The following SPON1 variants were observed in gnomAD, a reference collection of about 807,000 sequenced individuals.
The protein encoded by SPON1 is spondin 1, also known as spondin-1.
A neutral mutation model predicts 111.7 loss-of-function variants in SPON1; 52 were observed. The observed-to-expected ratio is 0.47, with a 90% CI of 0.37 to 0.59. The LOEUF (loss-of-function observed/expected upper bound fraction) is 0.59. Ranked by LOEUF, SPON1 falls within the 20% of genes least tolerant of loss-of-function variation. SPON1 has a pLI of 0.00. For synonymous variants in SPON1, 410 were observed against 395.8 expected, an observed-to-expected ratio of 1.04 and a Z score of -0.43; for missense variants, 957 against 1,068.5, an observed-to-expected ratio of 0.90 and a Z score of 1.46.
Position 14,075,847 on chromosome 11 carries a change from A to G in SPON1, c.553+429A>G, listed in dbSNP as rs541471136. Among the ~76,000 whole-genome samples the G allele has an allele frequency of 7.9e-5, 12 of 152,296 alleles. No homozygotes were observed. In the East Asian group the frequency reaches 1.4e-3, roughly 17 times the overall value. On this transcript the variant is annotated intron_variant, in intron 4 of 15. Coordinates refer to ENST00000576479, the MANE Select transcript of SPON1 (RefSeq NM_006108.4). ...AGGATTTTCTCCAGAGAAGCCCAGC[A>G]GGGGATGGGGATGCCAAGGGGGTGT... is the stretch of plus-strand genomic sequence containing the variant.
intron 7 of SPON1, among the ~76,000 whole-genome samples, chr11:14,252,701 C>T (rs1291587982): frequency 1.3e-5 from 2 of 151,990 alleles, no homozygotes; most frequent in Admixed American, 1.3e-4. Flanking sequence ...GCAAGACCTG[C>T]GCAGAGTGTG....
At position 14,230,154 on chromosome 11, in the gene SPON1, C is replaced by T. The variant is rs191733891; in HGVS notation, c.826-13178C>T. The stretch of plus-strand genomic sequence containing the variant: ...AGCTGTTACTTTGCATTTAAATAGC[C>T]GCATTTAAGAAAGCAGCATTCCCAG... On this transcript the variant is annotated intron_variant, in intron 6 of 15. Transcript: ENST00000576479. 2.2e-4 allele frequency among the ~76,000 whole-genome samples: 34 copies of T among 152,222 alleles called. 1 individual carries two copies. The highest frequency in any genetic ancestry group is 6.8e-3 in the Middle Eastern group (2 of 292).
chr11:14,068,520 G>A (rs913906779), intron 3 of SPON1, among the ~76,000 whole-genome samples: 9 of 152,166 alleles, frequency 5.9e-5, no homozygotes, highest in Non-Finnish European at 4.4e-5. Flanking sequence ...GATTCAGGTC[G>A]AGATGTCTGC....
intron 6 of SPON1, among the ~76,000 whole-genome samples, chr11:14,190,481 T>A (rs1305626621): frequency 6.6e-6 from 1 of 151,536 alleles, no homozygotes; most frequent in East Asian, 1.9e-4. Flanking sequence ...CCTTCTTCCT[T>A]CCTTCCTTCC....
intron 6 of SPON1, among the ~76,000 whole-genome samples, chr11:14,240,589 TTGTGTGTGTGTGTGTGTGTGTG>T (rs56265194): frequency 7.1e-6 from 1 of 140,252 alleles, no homozygotes; most frequent in Non-Finnish European, 1.5e-5. Context: ...AGAAGCAATA[TTGTGTGTGTGTGTGTGTGTGTG>T]TGTGTGTGTG....
chr11:14,174,495 G>T (rs1554932894), intron 6 of SPON1, among the ~76,000 whole-genome samples: 3 of 152,060 alleles, frequency 2.0e-5, no homozygotes, highest in Admixed American at 1.3e-4. Flanking sequence ...GATTTTGAGA[G>T]GGATTTATCT....
intron 2 of SPON1, among the ~76,000 whole-genome samples, chr11:13,983,217 C>A (rs1462464605): frequency 6.6e-6 from 1 of 152,232 alleles, no homozygotes; most frequent in South Asian, 2.1e-4. Context: ...AGCAGCCAAG[C>A]GTGGGGAGAG....
At chr11:14,239,050 A>G (rs956457191) in intron 6 of SPON1, among the ~76,000 whole-genome samples, 2 of 152,200 alleles carry the variant, frequency 1.3e-5, no homozygotes, top group African/African-American at 4.8e-5. Flanking sequence ...TAAGTCCTTC[A>G]TTCTTCAGAA....
intron 2 of SPON1, among the ~76,000 whole-genome samples, chr11:14,021,685 A>G (rs1259854419): frequency 2.0e-4 from 30 of 152,192 alleles, no homozygotes; most frequent in Admixed American, 1.7e-3. Flanking sequence ...AAGTTCCTAC[A>G]AGACCTGAGA....
At chr11:14,261,038 C>A (rs1849165349) in intron 14 of SPON1, among the ~76,000 whole-genome samples, 1 of 151,950 alleles carries the variant, frequency 6.6e-6, no homozygotes, top group East Asian at 1.9e-4. Flanking sequence ...AACCTTAGTT[C>A]TTTCCCTCCT....
chr11:14,219,247 T>G (rs1290695142), intron 6 of SPON1, among the ~76,000 whole-genome samples: 1 of 152,250 alleles, frequency 6.6e-6, no homozygotes, highest in Non-Finnish European at 1.5e-5. Context: ...TCCTACCTGC[T>G]GCAGTCACAT....
intron 6 of SPON1, among the ~76,000 whole-genome samples, chr11:14,196,231 A>G (rs1351926725): frequency 6.6e-6 from 1 of 152,170 alleles, no homozygotes; most frequent in African/African-American, 2.4e-5. Flanking sequence ...CTTAGGCCTG[A>G]TATAGAACAG....
chr11:13,980,316 C>A (rs1848134471), intron 1 of SPON1, among the ~76,000 whole-genome samples: 1 of 152,254 alleles, frequency 6.6e-6, no homozygotes, highest in Admixed American at 6.5e-5. Flanking sequence ...GCTGGGATTA[C>A]AGGCATGAGC....
intron 6 of SPON1, among the ~76,000 whole-genome samples, chr11:14,217,180 G>T (rs1466257780): frequency 1.3e-5 from 2 of 152,194 alleles, no homozygotes; most frequent in Non-Finnish European, 2.9e-5. Flanking sequence ...TTGTATCAGA[G>T]CTAATGCTTC....
chr11:14,155,325 GA>G (rs1554930257), intron 6 of SPON1, among the ~76,000 whole-genome samples: 1 of 152,094 alleles, frequency 6.6e-6, no homozygotes, highest in Non-Finnish European at 1.5e-5. Context: ...AATTTACAAA[GA>G]AAAGAGGTTT....
At chr11:13,996,586 G>A (rs1274736315) in intron 2 of SPON1, among the ~76,000 whole-genome samples, 1 of 151,950 alleles carries the variant, frequency 6.6e-6, no homozygotes, top group Non-Finnish European at 1.5e-5. Flanking sequence ...ATACAGAAAA[G>A]GATAAATACA....
At chr11:14,102,757 C>T (rs1285271767) in intron 5 of SPON1, among the ~76,000 whole-genome samples, 1 of 152,204 alleles carries the variant, frequency 6.6e-6, no homozygotes, top group African/African-American at 2.4e-5. Context: ...GATGCTTTCT[C>T]ATAATTAGAT....
chr11:14,261,106 A>G (rs2133927703), intron 14 of SPON1, among the ~76,000 whole-genome samples: 1 of 152,122 alleles, frequency 6.6e-6, no homozygotes, highest in African/African-American at 2.4e-5. Context: ...TTTTAATTCT[A>G]TTTTCCCTGT....
intron 15 of SPON1, among the ~76,000 whole-genome samples, chr11:14,264,339 G>C (rs943910755): frequency 6.6e-6 from 1 of 152,154 alleles, no homozygotes; most frequent in Non-Finnish European, 1.5e-5. Context: ...AGGCCAGATA[G>C]GTTTTATTTG....
Sources: gnomAD v4.1 joint callset for allele counts (sites outside exome capture counted in the v4.1 genomes callset) on GRCh38, gnomAD v4.1.1 for gene constraint, MANE v1.5 for transcripts, NCBI Gene and HGNC (gene_info 2026-07-23, HGNC 2026-07-21) for gene names.